Variants in UCHL3 observed in about 807,000 individuals in gnomAD.
The protein encoded by UCHL3 is ubiquitin C-terminal hydrolase L3.
UCHL3 carries 22 observed loss-of-function variants against 35.8 expected under a neutral mutation model. That is an observed-to-expected ratio of 0.61 (90% CI 0.44 to 0.88). UCHL3 has a LOEUF of 0.88. Ranked by LOEUF, UCHL3 falls within the 40% of genes least tolerant of loss-of-function variation. The pLI, the probability that UCHL3 is intolerant of heterozygous loss-of-function variation, is 0.00. For synonymous variants in UCHL3, 90 were observed against 92.8 expected, an observed-to-expected ratio of 0.97 and a Z score of 0.17; for missense variants, 229 against 276.9, an observed-to-expected ratio of 0.83 and a Z score of 1.23.
chr13:75,592,565 CT>C (rs1478370602), intron 6 of UCHL3, among the ~76,000 whole-genome samples: 2 of 136,238 alleles, frequency 1.5e-5, no homozygotes, highest in Non-Finnish European at 3.2e-5. Context: ...CTGAAATTTG[CT>C]TTTTATTTAT....
chr13:75,585,772 T>C (rs2032305741), intron 6 of UCHL3, among the ~76,000 whole-genome samples: 1 of 152,084 alleles, frequency 6.6e-6, no homozygotes, highest in Non-Finnish European at 1.5e-5. Flanking sequence ...AATACTGTTG[T>C]GAGGTTCTTA....
At chr13:75,578,623 G>A (rs2032094879) in intron 6 of UCHL3, among the ~76,000 whole-genome samples, 2 of 151,702 alleles carry the variant, frequency 1.3e-5, no homozygotes, top group South Asian at 4.2e-4. Context: ...TTTAATAGGG[G>A]GAAATAACAT....
intron 7 of UCHL3, among the ~76,000 whole-genome samples, chr13:75,595,822 A>T (rs1444668444): frequency 1.3e-5 from 2 of 150,288 alleles, no homozygotes; most frequent in Non-Finnish European, 3.0e-5. Flanking sequence ...TCAGTGGACT[A>T]TTTCATGGCA....
chr13:75,583,515 A>G (rs2032242121), intron 6 of UCHL3, among the ~76,000 whole-genome samples: 1 of 152,226 alleles, frequency 6.6e-6, no homozygotes, highest in African/African-American at 2.4e-5. Flanking sequence ...TATTGTGAAG[A>G]TCTGTAGCAT....
chr13:75,578,618 T>C (rs2032094615), intron 6 of UCHL3, among the ~76,000 whole-genome samples: 1 of 152,078 alleles, frequency 6.6e-6, no homozygotes, highest in African/African-American at 2.4e-5. Context: ...GCTTGTTTAA[T>C]AGGGGGAAAT....
chr13:75,581,334 A>G (rs1047875559), intron 6 of UCHL3, among the ~76,000 whole-genome samples: 1 of 144,946 alleles, frequency 6.9e-6, no homozygotes, highest in African/African-American at 2.5e-5. Flanking sequence ...CCACCAAACT[A>G]AACACTTGAT....
At chr13:75,567,552 T>A (rs2031723750) in intron 5 of UCHL3, among the ~76,000 whole-genome samples, 1 of 114,452 alleles carries the variant, frequency 8.7e-6, no homozygotes, top group African/African-American at 2.6e-5. Context: ...GATTTACAAA[T>A]TTTTTTTTTT....
intron 7 of UCHL3, among the ~76,000 whole-genome samples, chr13:75,598,415 A>G: frequency 6.6e-6 from 1 of 152,216 alleles, no homozygotes; most frequent in Non-Finnish European, 1.5e-5. Context: ...ACCCCATTAC[A>G]GTTTTCCTGA....
chr13:75,582,661 A>G (rs900870991), intron 6 of UCHL3, among the ~76,000 whole-genome samples: 2 of 152,368 alleles, frequency 1.3e-5, no homozygotes, highest in East Asian at 3.9e-4. Context: ...ATCTTTTCCA[A>G]TTAGTATGGA....
intron 2 of UCHL3, among the ~76,000 whole-genome samples, chr13:75,557,287 G>T (rs2031325322): frequency 6.6e-6 from 1 of 151,726 alleles, no homozygotes; most frequent in Admixed American, 6.6e-5. Context: ...ACTGCTCCTA[G>T]CTCCTCACAT....
chr13:75,579,376 C>T (rs1025785453), intron 6 of UCHL3, among the ~76,000 whole-genome samples: 6 of 152,010 alleles, frequency 3.9e-5, no homozygotes, highest in African/African-American at 1.4e-4. Flanking sequence ...TTCTTTATTT[C>T]AACATGACTT....
Position 75,550,059 on chromosome 13 carries a change from C to G in UCHL3, c.54+72C>G, listed in dbSNP as rs534987609. 1.5e-5 allele frequency: 24 copies of G among 1,599,972 alleles called. No individual in the cohort carries two copies. In the African/African-American group the frequency reaches 2.8e-4, roughly 19 times the overall value. ...GCTCGGTCCGCTTCCCTGCTGGACT[C>G]CACCTCCACGCTTCCAGGGATTCTG... On this transcript the variant is annotated intron_variant, in intron 2 of 8. Coordinates refer to ENST00000377595, the MANE Select transcript of UCHL3 (RefSeq NM_006002.5).
At chr13:75,604,057 G>T (rs2032858903) in intron 7 of UCHL3, among the ~76,000 whole-genome samples, 1 of 151,770 alleles carries the variant, frequency 6.6e-6, no homozygotes, top group Non-Finnish European at 1.5e-5. Context: ...TTTTATTATG[G>T]TTAGAAACCA....
chr13:75,584,755 C>T (rs948719237), intron 6 of UCHL3, among the ~76,000 whole-genome samples: 1 of 152,012 alleles, frequency 6.6e-6, no homozygotes, highest in African/African-American at 2.4e-5. Flanking sequence ...GAATTGGAAA[C>T]TATTAACATA....
At chr13:75,566,663 C>T (rs771265198) in intron 3 of UCHL3, 32 bp from the exon 4 acceptor site, 3 of 1,274,708 alleles carry the variant, frequency 2.4e-6, no homozygotes, top group Admixed American at 7.4e-5. Context: ...TTATTTTCCA[C>T]AAATACACTG....
intron 2 of UCHL3, among the ~76,000 whole-genome samples, chr13:75,558,692 C>T (rs2031376338): frequency 6.6e-6 from 1 of 152,158 alleles, no homozygotes; most frequent in South Asian, 2.1e-4. Context: ...TGTATATAGA[C>T]ATACAGATGG....
At chr13:75,590,806 G>C (rs1453528860) in intron 6 of UCHL3, among the ~76,000 whole-genome samples, 1 of 152,028 alleles carries the variant, frequency 6.6e-6, no homozygotes. Context: ...CTCTTTCATA[G>C]GCTAATGATA....
chr13:75,560,936 T>C, intron 3 of UCHL3, 55 bp downstream of exon 3: 1 of 1,454,820 alleles, frequency 6.9e-7, no homozygotes, highest in Non-Finnish European at 9.1e-7. Flanking sequence ...TGTTTTATTC[T>C]GTCTTATTTT....
chr13:75,573,966 C>G (rs2031942599), intron 6 of UCHL3, among the ~76,000 whole-genome samples: 1 of 152,124 alleles, frequency 6.6e-6, no homozygotes, highest in African/African-American at 2.4e-5. Flanking sequence ...GCCTGTAATC[C>G]CAGTACTTTG....
Sources: allele counts gnomAD v4.1 joint callset (sites outside exome capture counted in the v4.1 genomes callset), GRCh38; gene constraint gnomAD v4.1.1; transcripts MANE v1.5; gene names NCBI Gene and HGNC (gene_info 2026-07-23, HGNC 2026-07-21).